DEAF1: variants seen among roughly 807,000 people sequenced by gnomAD.
DEAF1 encodes deformed epidermal autoregulatory factor 1 homolog.
In DEAF1, 53 loss-of-function variants were observed where a neutral mutation model predicts 58.9. That is an observed-to-expected ratio of 0.90 (90% CI 0.72 to 1.13). The LOEUF is 1.13. DEAF1 is among the 50% of genes most tolerant of loss of function. DEAF1 has a pLI of 0.00. For synonymous variants in DEAF1, 385 were observed against 340.4 expected (o/e 1.13, Z -1.44); for missense variants, 685 against 791.4 (o/e 0.87, Z 1.61).
chr11:705,919 C>T (rs1861692020), intron 1 of DEAF1, among the ~76,000 whole-genome samples: 2 of 152,356 alleles, frequency 1.3e-5, no homozygotes, highest in South Asian at 4.1e-4. Flanking sequence ...GGAGGCGGCC[C>T]TGCGCCCCGC....
At chr11:673,548 A>G (rs2133361916) in intron 10 of DEAF1, among the ~76,000 whole-genome samples, 1 of 152,300 alleles carries the variant, frequency 6.6e-6, no homozygotes, top group Non-Finnish European at 1.5e-5. Flanking sequence ...ATAAAAATAG[A>G]AAGTAGAAAA....
chr11:691,676 A>AAG, intron 1 of DEAF1, 78 bp from the exon 2 acceptor site: 1 of 1,285,282 alleles, frequency 7.8e-7, no homozygotes, highest in Non-Finnish European at 1.1e-6. Context: ...CAGGTGCTTC[A>AAG]AACAAAGTGA....
At chr11:691,447 A>T in intron 2 of DEAF1, 54 bp downstream of exon 2, 1 of 1,537,190 alleles carries the variant, frequency 6.5e-7, no homozygotes, top group African/African-American at 1.4e-5. Context: ...GGGAAGCCGG[A>T]GGCCCCCAGC....
chr11:652,651 A>G (rs865947499), intron 11 of DEAF1, among the ~76,000 whole-genome samples: 2 of 151,924 alleles, frequency 1.3e-5, no homozygotes, highest in African/African-American at 4.8e-5. Flanking sequence ...GAAAATAGAG[A>G]AGGAGGGCAG....
At chr11:704,942 C>A in intron 1 of DEAF1, 1 of 342,422 alleles carries the variant, frequency 2.9e-6, no homozygotes, top group Non-Finnish European at 5.7e-6. Context: ...GCGTGTGTGA[C>A]CCTGAGCTCT....
chr11:696,829 C>T (rs990851251), upstream of DEAF1, among the ~76,000 whole-genome samples: 2 of 40,364 alleles, frequency 5.0e-5, no homozygotes, highest in African/African-American at 1.5e-4. Context: ...CCTGTAATCC[C>T]AGCACTTTGG....
In DEAF1 at chr11:694,846, C is replaced by T; in HGVS notation, c.202G>A (p.Val68Met). The change falls in exon 1 of 12, where the codon GTG (valine) becomes ATG (methionine). Residue 68 changes from valine to methionine, a missense_variant. Val to Met is a conservative substitution (Grantham distance 21). Around this residue, in one of 3 missense-constraint regions of DEAF1, gnomAD observed 210 missense variants for 177.3 expected, o/e 1.18. Transcript: ENST00000382409. ...ATGTGCCCGGGCTCCGCCGCCATCA[C>T]CGCCACTGCCGTGACCCGCGGCGTC... ...RETPRVTAVA[V>M]MAAEPGHMDM... The T allele has an allele frequency of 1.3e-6, 2 of 1,482,758 alleles. No homozygotes were observed. Among genetic ancestry groups the T allele is most frequent in the South Asian group, 2.6e-5 (2 of 76,438 alleles). The allele number at this position is 1,482,758 out of a possible 1,614,324, so 91.9% of individuals were successfully genotyped here.
At chr11:704,921 C>T (rs890059218) in intron 1 of DEAF1, 3 of 350,148 alleles carry the variant, frequency 8.6e-6, no homozygotes, top group Non-Finnish European at 1.1e-5. Context: ...CACGGGTGCA[C>T]CGAGGGGTTG....
At chr11:675,850 A>C (rs1490382436) in intron 9 of DEAF1, among the ~76,000 whole-genome samples, 2 of 151,830 alleles carry the variant, frequency 1.3e-5, no homozygotes, top group Non-Finnish European at 1.5e-5. Context: ...ACTCTCACGC[A>C]ATGTTGGGAA....
At chr11:703,593 T>C in intron 1 of DEAF1, 2 of 1,233,256 alleles carry the variant, frequency 1.6e-6, no homozygotes, top group Non-Finnish European at 2.0e-6. Context: ...CCCAGTTTAC[T>C]CCGTGGCCAG....
chr11:652,529 T>TAG, intron 11 of DEAF1, among the ~76,000 whole-genome samples: 1 of 151,912 alleles, frequency 6.6e-6, no homozygotes, highest in South Asian at 2.1e-4. Context: ...TCCCAGCTAC[T>TAG]CGGGAGGCTG....
At chr11:664,391 G>A (rs375363584) in intron 10 of DEAF1, among the ~76,000 whole-genome samples, 5 of 152,072 alleles carry the variant, frequency 3.3e-5, no homozygotes, top group Admixed American at 2.6e-4. Context: ...TATCACATTC[G>A]GAGCCTCTAA....
At chr11:682,121 C>T (rs1194306657) in intron 6 of DEAF1, among the ~76,000 whole-genome samples, 2 of 152,204 alleles carry the variant, frequency 1.3e-5, no homozygotes, top group Non-Finnish European at 2.9e-5. Context: ...TCTGAGGGCT[C>T]GGCCCTGGGT....
intron 10 of DEAF1, 53 bp from the exon 11 acceptor site, chr11:654,104 G>A: frequency 6.6e-7 from 1 of 1,509,216 alleles, no homozygotes; most frequent in African/African-American, 1.4e-5. Flanking sequence ...GAGAGCCCCT[G>A]AGACACCGGG....
intron 10 of DEAF1, among the ~76,000 whole-genome samples, chr11:667,196 C>CCGGT (rs1859578006): frequency 6.6e-6 from 1 of 152,014 alleles, no homozygotes; most frequent in African/African-American, 2.4e-5. Context: ...GTGGCCAGTG[C>CCGGT]CGGTAGTCCT....
At position 688,853 on chromosome 11, in the gene DEAF1, T is replaced by G. The variant is rs1342554607; in HGVS notation, c.388-393A>C. 6.6e-6 allele frequency among the ~76,000 whole-genome samples: 1 copy of G among 152,110 alleles called. No individual in the cohort carries two copies. Among genetic ancestry groups the G allele is most frequent in the African/African-American group, 2.4e-5 (1 of 41,406 alleles). On this transcript the variant is annotated intron_variant, in intron 2 of 11. Coordinates refer to ENST00000382409, the MANE Select transcript of DEAF1 (RefSeq NM_021008.4). The surrounding 1 kb of genome is among the most constrained non-coding windows in gnomAD (Gnocchi z 4.3). The stretch of plus-strand genomic sequence containing the variant: ...CTTGTGCAGGACCGCCCTCCAGACC[T>G]CCTTACAGATGGCAACTGGAGACCA...
At chr11:661,521 C>A (rs182413363) in intron 10 of DEAF1, among the ~76,000 whole-genome samples, 1 of 152,094 alleles carries the variant, frequency 6.6e-6, no homozygotes, top group East Asian at 1.9e-4. Context: ...ACCAGCCTGG[C>A]CAACATGGTG....
chr11:690,543 G>A (rs1407797072), intron 2 of DEAF1, among the ~76,000 whole-genome samples: 2 of 151,976 alleles, frequency 1.3e-5, no homozygotes, highest in African/African-American at 4.8e-5. Context: ...GAGGTCAGGA[G>A]TTTGAGGCCA....
intron 11 of DEAF1, among the ~76,000 whole-genome samples, chr11:649,399 G>C (rs947492297): frequency 6.7e-6 from 1 of 149,190 alleles, no homozygotes; most frequent in Non-Finnish European, 1.5e-5. Context: ...TCTGGCCTGG[G>C]TGACAGAGAG....
Sources: gnomAD v4.1 joint callset for allele counts (sites outside exome capture counted in the v4.1 genomes callset) on GRCh38, gnomAD v4.1.1 for gene constraint, gnomAD v4.1.1 regional missense constraint, Gnocchi (gnomAD v3.1) non-coding constraint, MANE v1.5 for transcripts, NCBI Gene and HGNC (gene_info 2026-07-23, HGNC 2026-07-21) for gene names.